The following FBP1 variants were observed in gnomAD, a reference collection of about 807,000 sequenced individuals.
FBP1 encodes the protein fructose-1,6-bisphosphatase 1.
FBP1 carries 22 observed loss-of-function variants against 29.9 expected under a neutral mutation model. That is an observed-to-expected ratio of 0.74 (90% CI 0.53 to 1.05). FBP1 has a LOEUF of 1.05. FBP1 is among the 50% of genes least tolerant of loss of function. The pLI, the probability that FBP1 is intolerant of heterozygous loss-of-function variation, is 0.00. For synonymous variants in FBP1, 175 were observed against 178.6 expected (o/e 0.98, Z 0.16); for missense variants, 345 against 448.2 (o/e 0.77, Z 2.08).
intron 3 of FBP1, among the ~76,000 whole-genome samples, chr9:94,615,556 T>A (rs1587858020): frequency 6.6e-6 from 1 of 152,214 alleles, no homozygotes; most frequent in Non-Finnish European, 1.5e-5. Context: ...CTTCCATGTC[T>A]ACAACAGAAA....
intron 1 of FBP1, among the ~76,000 whole-genome samples, chr9:94,634,871 T>C (rs1017379678): frequency 1.3e-5 from 2 of 152,012 alleles, no homozygotes; most frequent in Admixed American, 6.6e-5. Flanking sequence ...CCGAGGCAGG[T>C]GGATCACTTG....
At position 94,639,318 on chromosome 9, in the gene FBP1, C is replaced by T. The variant is rs760389518; in HGVS notation, c.-8G>A. 6.2e-7 allele frequency: 1 copy of T among 1,604,934 alleles called. No homozygotes were observed. Among genetic ancestry groups the T allele is most frequent in the Non-Finnish European group, 8.5e-7 (1 of 1,175,948 alleles). ...GGGCGCCTGGTCAGCCATGCTTGAACCGGGTAGAGCGCGGGGCTGCAGGTG... is the reference window on the plus strand; with the variant it reads ...GGGCGCCTGGTCAGCCATGCTTGAATCGGGTAGAGCGCGGGGCTGCAGGTG... On this transcript the variant is annotated 5_prime_UTR_variant, in exon 1 of 7. Transcript: ENST00000375326.
At chr9:94,629,701 G>A (rs1828075474) in intron 1 of FBP1, among the ~76,000 whole-genome samples, 2 of 152,134 alleles carry the variant, frequency 1.3e-5, no homozygotes, top group Non-Finnish European at 2.9e-5. Flanking sequence ...AGGACCGGGA[G>A]AGCCCTCAGG....
chr9:94,639,107 C>CA (rs1412980773), intron 1 of FBP1, 34 bp downstream of exon 1: 1 of 1,567,886 alleles, frequency 6.4e-7, no homozygotes. Context: ...GGCAGACAGA[C>CA]AGGACGGGGC....
chr9:94,610,390 C>T lies in FBP1; in HGVS notation c.427-329G>A, dbSNP rs1011485498. Among the ~76,000 whole-genome samples, 4 of 152,194 alleles carry T rather than the reference C, an allele frequency of 2.6e-5. No homozygotes were observed. The East Asian group carries it at 5.8e-4, about 22-fold the overall frequency. On this transcript the variant is annotated intron_variant, in intron 3 of 6. Transcript: ENST00000375326. Reference sequence around the variant, plus strand: ...AGTTCCCACTAATTTAATCTTATTACGGGCATCCATCTCTGTCACCTGCCT... The same window carrying T: ...AGTTCCCACTAATTTAATCTTATTATGGGCATCCATCTCTGTCACCTGCCT...
intron 4 of FBP1, among the ~76,000 whole-genome samples, chr9:94,609,002 A>T (rs986964597): frequency 1.3e-5 from 2 of 152,144 alleles, no homozygotes; most frequent in Admixed American, 1.3e-4. Flanking sequence ...GGAGTTCGCG[A>T]CCAGCCTGAC....
chr9:94,639,005 C>T, intron 1 of FBP1, 136 bp downstream of exon 1: 1 of 891,542 alleles, frequency 1.1e-6, no homozygotes, highest in Non-Finnish European at 1.8e-6. Context: ...AGACAGAGAG[C>T]GAGAGAGGCG....
At chr9:94,618,996 C>G (rs1827903276) in intron 2 of FBP1, among the ~76,000 whole-genome samples, 1 of 152,194 alleles carries the variant, frequency 6.6e-6, no homozygotes, top group Non-Finnish European at 1.5e-5. Context: ...ATGTCTGTAG[C>G]AGATTAACAT....
At chr9:94,633,967 A>G (rs1051741487) in intron 1 of FBP1, among the ~76,000 whole-genome samples, 1 of 150,372 alleles carries the variant, frequency 6.7e-6, no homozygotes, top group African/African-American at 2.4e-5. Flanking sequence ...CGGCCTCCCA[A>G]AGCGCTAGGA....
intron 3 of FBP1, among the ~76,000 whole-genome samples, chr9:94,615,363 GT>G (rs1038290542): frequency 6.6e-6 from 1 of 151,564 alleles, no homozygotes; most frequent in African/African-American, 2.4e-5. Context: ...AATTTCCCAG[GT>G]TTTTTTTCCT....
chr9:94,628,656 C>T (rs1828060236), intron 1 of FBP1, among the ~76,000 whole-genome samples: 1 of 152,118 alleles, frequency 6.6e-6, no homozygotes, highest in Non-Finnish European at 1.5e-5. Flanking sequence ...GAGCCCCAGC[C>T]GAATCAGGGC....
Position 94,639,289 on chromosome 9 carries a change from C to T in FBP1, c.22G>A (p.Asp8Asn). ...CGGGTCAGGGTGTTGACGTCCGTGT[C>T]GAAGGGCGCCTGGTCAGCCATGCTT... MADQAPF[D>N]TDVNTLTRFV... The change falls in exon 1 of 7, where the codon GAC becomes AAC. Residue 8 changes from aspartate (D) to asparagine (N), a missense_variant. By Grantham distance (23) the Asp-to-Asn change is conservative. Transcript: ENST00000375326. The T allele has an allele frequency of 1.2e-6, 2 of 1,607,566 alleles. No individual in the cohort carries two copies. The highest frequency in any genetic ancestry group is 1.7e-6 in the Non-Finnish European group (2 of 1,177,210).
chr9:94,633,885 T>G (rs1362550064), intron 1 of FBP1, among the ~76,000 whole-genome samples: 2 of 151,538 alleles, frequency 1.3e-5, no homozygotes, highest in African/African-American at 4.8e-5. Context: ...TTTTGTATTT[T>G]TTGGTAGAGA....
chr9:94,608,813 G>A (rs12005954), intron 4 of FBP1, among the ~76,000 whole-genome samples: 7,616 of 152,196 alleles, frequency 0.05, 671 homozygotes, highest in African/African-American at 0.17. Flanking sequence ...TCGCACAGAA[G>A]GTTCCTGTTC....
chr9:94,603,577 A>C lies in FBP1; in HGVS notation c.826-5T>G. 1 of 1,614,020 alleles carries C rather than the reference A, an allele frequency of 6.2e-7. No individual in the cohort carries two copies. The highest frequency in any genetic ancestry group is 1.3e-5 in the African/African-American group (1 of 75,026). On this transcript the variant is annotated splice_polypyrimidine_tract_variant and splice_region_variant and intron_variant, in intron 6 of 6. Transcript: ENST00000375326. Reference sequence around the variant, plus strand: ...GCATTCGTACAGCAGTCTCAGCTGGAAAACAAGACCGGGTAGCGGCCTCCT... The same window carrying C: ...GCATTCGTACAGCAGTCTCAGCTGGCAAACAAGACCGGGTAGCGGCCTCCT...
intron 4 of FBP1, among the ~76,000 whole-genome samples, chr9:94,608,746 G>A (rs1827737940): frequency 6.6e-6 from 1 of 152,110 alleles, no homozygotes; most frequent in African/African-American, 2.4e-5. Context: ...AAGGCAGCCT[G>A]TGTTGAGTTA....
intron 4 of FBP1, among the ~76,000 whole-genome samples, chr9:94,607,837 A>G (rs2131474132): frequency 6.6e-6 from 1 of 152,270 alleles, no homozygotes; most frequent in Non-Finnish European, 1.5e-5. Context: ...TCCTACCCAT[A>G]TGGAATACGT....
chr9:94,617,645 A>C (rs1827882868), intron 3 of FBP1, 123 bp downstream of exon 3: 2 of 723,286 alleles, frequency 2.8e-6, no homozygotes, highest in Admixed American at 2.0e-5. Context: ...TTGAGATACA[A>C]ATCTACTTCA....
At chr9:94,626,274 TA>T (rs1373198449) in intron 1 of FBP1, among the ~76,000 whole-genome samples, 2 of 152,352 alleles carry the variant, frequency 1.3e-5, no homozygotes, top group African/African-American at 4.8e-5. Flanking sequence ...TTCTCCTGGT[TA>T]ATCCTGGCGT....
Sources: allele counts gnomAD v4.1 joint callset (sites outside exome capture counted in the v4.1 genomes callset), GRCh38; gene constraint gnomAD v4.1.1; transcripts MANE v1.5; gene names NCBI Gene and HGNC (gene_info 2026-07-23, HGNC 2026-07-21).